LSAMP: variants seen among roughly 807,000 people sequenced by gnomAD.
LSAMP encodes limbic system associated membrane protein, also known as limbic system-associated membrane protein.
In LSAMP, 7 loss-of-function variants were observed where a neutral mutation model predicts 38.6. The observed-to-expected ratio is 0.18, with a 90% CI of 0.10 to 0.34. LSAMP has a LOEUF of 0.34. Ranked by LOEUF, LSAMP falls within the 10% of genes least tolerant of loss-of-function variation. The pLI, the probability that LSAMP is intolerant of heterozygous loss-of-function variation, is 1.00. For missense variants in LSAMP, 313 were observed against 420.0 expected, an observed-to-expected ratio of 0.75 and a Z score of 2.23; for synonymous variants, 154 against 166.8, an observed-to-expected ratio of 0.92 and a Z score of 0.59.
intron 1 of LSAMP, among the ~76,000 whole-genome samples, chr3:116,319,042 T>C (rs1394305936): frequency 8.2e-6 from 1 of 122,272 alleles, no homozygotes; most frequent in Non-Finnish European, 1.8e-5. Flanking sequence ...TTGTATAGAA[T>C]TGGGGGGGTG....
chr3:115,975,869 C>T (rs1241109562), intron 3 of LSAMP, among the ~76,000 whole-genome samples: 1 of 152,166 alleles, frequency 6.6e-6, no homozygotes, highest in African/African-American at 2.4e-5. Flanking sequence ...GTATACCTGA[C>T]ATTCAAACTC....
intron 3 of LSAMP, among the ~76,000 whole-genome samples, chr3:116,007,871 T>C (rs925286714): frequency 3.9e-5 from 6 of 152,162 alleles, no homozygotes; most frequent in African/African-American, 7.2e-5. Flanking sequence ...AGCTACATTT[T>C]TGGGCCCCAC....
intron 2 of LSAMP, among the ~76,000 whole-genome samples, chr3:116,033,736 C>A (rs1381351082): frequency 2.0e-5 from 3 of 152,018 alleles, no homozygotes; most frequent in Non-Finnish European, 4.4e-5. Context: ...CCCTTCCTTC[C>A]AACAAGAAAT....
intron 6 of LSAMP, among the ~76,000 whole-genome samples, chr3:115,822,460 A>C (rs1934275344): frequency 6.6e-6 from 1 of 150,534 alleles, no homozygotes; most frequent in Non-Finnish European, 1.5e-5. Context: ...TCCCAAGTTC[A>C]AGCAATTATC....
Position 115,808,256 on chromosome 3 carries a change from A to G in LSAMP, c.*2061T>C, listed in dbSNP as rs2107441275. On this transcript the variant is annotated 3_prime_UTR_variant, in exon 7 of 7. Coordinates refer to ENST00000490035, the MANE Select transcript of LSAMP (RefSeq NM_002338.5). ...TCTCATTTTATAACATGGAACAGCT[A>G]TTTACAAGGTTCCAACTTAATGACA... 6.7e-6 allele frequency: 1 copy of G among 150,242 alleles called. No individual in the cohort carries two copies. The highest frequency in any genetic ancestry group is 2.0e-4 in the East Asian group (1 of 5,070). 9.3% of individuals were successfully genotyped at this position (150,242 alleles called of 1,614,324 possible).
chr3:115,833,272 A>G (rs1934675549), intron 6 of LSAMP, among the ~76,000 whole-genome samples: 1 of 152,002 alleles, frequency 6.6e-6, no homozygotes, highest in East Asian at 1.9e-4. Context: ...AACAGTAAGT[A>G]TCATGTCAAG....
intron 3 of LSAMP, among the ~76,000 whole-genome samples, chr3:115,974,712 T>C (rs113559894): frequency 5.9e-5 from 9 of 152,330 alleles, no homozygotes; most frequent in African/African-American, 2.2e-4. Context: ...AAAAAATGAC[T>C]AATCTCATCT....
intron 2 of LSAMP, among the ~76,000 whole-genome samples, chr3:116,037,913 G>A (rs755886671): frequency 6.6e-6 from 1 of 152,066 alleles, no homozygotes; most frequent in Non-Finnish European, 1.5e-5. Flanking sequence ...AGTGAACCAG[G>A]AGGACTAACC....
intron 3 of LSAMP, among the ~76,000 whole-genome samples, chr3:115,999,010 C>T (rs1386208029): frequency 6.6e-6 from 1 of 152,074 alleles, no homozygotes; most frequent in Non-Finnish European, 1.5e-5. Context: ...AAGCAAAAAG[C>T]ATTTAAAAAC....
intron 1 of LSAMP, among the ~76,000 whole-genome samples, chr3:116,279,646 T>G (rs529147243): frequency 6.6e-6 from 1 of 152,354 alleles, no homozygotes; most frequent in East Asian, 1.9e-4. Flanking sequence ...TTGCTTGTAA[T>G]TATTGTAGAC....
intron 1 of LSAMP, among the ~76,000 whole-genome samples, chr3:116,393,253 C>A (rs1182585849): frequency 1.3e-5 from 2 of 152,150 alleles, no homozygotes; most frequent in Non-Finnish European, 2.9e-5. Flanking sequence ...ACTCCCCAAG[C>A]CAGGGCTGTG....
intron 6 of LSAMP, among the ~76,000 whole-genome samples, chr3:115,835,873 T>C (rs1017974411): frequency 1.3e-5 from 2 of 152,222 alleles, no homozygotes; most frequent in African/African-American, 4.8e-5. Context: ...GTTACACAAG[T>C]GTCAAGTAGA....
intron 1 of LSAMP, among the ~76,000 whole-genome samples, chr3:116,208,857 G>T (rs974031821): frequency 3.9e-4 from 59 of 152,206 alleles, no homozygotes; most frequent in African/African-American, 1.4e-3. Context: ...CTTTTTGTTT[G>T]TCTGTGCCCT....
intron 2 of LSAMP, among the ~76,000 whole-genome samples, chr3:116,071,964 G>A (rs1707616072): frequency 6.7e-6 from 1 of 148,238 alleles, no homozygotes; most frequent in South Asian, 2.1e-4. Context: ...ATTCCATGGT[G>A]TATATGTAGC....
At chr3:116,178,096 C>CGT (rs10662261) in intron 1 of LSAMP, among the ~76,000 whole-genome samples, 73,158 of 149,986 alleles carry the variant, frequency 0.49, 20,200 homozygotes, top group East Asian at 0.72. Context: ...GTCTTGTGTA[C>CGT]GTGTGTGTGT....
intron 1 of LSAMP, among the ~76,000 whole-genome samples, chr3:116,398,700 A>G (rs545072523): frequency 1.3e-5 from 2 of 152,316 alleles, no homozygotes; most frequent in African/African-American, 4.8e-5. Context: ...AATTTAGAAA[A>G]TAAGTGTCTT....
At chr3:115,994,000 T>G (rs1939746097) in intron 3 of LSAMP, among the ~76,000 whole-genome samples, 2 of 152,110 alleles carry the variant, frequency 1.3e-5, no homozygotes, top group South Asian at 2.1e-4. Flanking sequence ...TCTAGAGCTT[T>G]TACATGGTGG....
intron 3 of LSAMP, among the ~76,000 whole-genome samples, chr3:115,983,550 T>G (rs1351032808): frequency 6.6e-6 from 1 of 152,052 alleles, no homozygotes; most frequent in African/African-American, 2.4e-5. Flanking sequence ...TAATAATAAT[T>G]ACTAAATTAC....
intron 2 of LSAMP, among the ~76,000 whole-genome samples, chr3:116,076,071 C>A (rs1707735472): frequency 6.6e-6 from 1 of 152,046 alleles, no homozygotes; most frequent in Admixed American, 6.5e-5. Flanking sequence ...AAAATTAATT[C>A]ATTCAAAACC....
Sources: allele counts gnomAD v4.1 joint callset (sites outside exome capture counted in the v4.1 genomes callset), GRCh38; gene constraint gnomAD v4.1.1; transcripts MANE v1.5; gene names NCBI Gene and HGNC (gene_info 2026-07-23, HGNC 2026-07-21).